RESF1: variants seen among roughly 807,000 people sequenced by gnomAD.
RESF1 encodes gonad expressed transcript.
In RESF1, 65 loss-of-function variants were observed where a neutral mutation model predicts 134.7. The ratio of observed to expected loss-of-function variants is 0.48; its 90% CI spans 0.40 to 0.59. The LOEUF (loss-of-function observed/expected upper bound fraction) is 0.59. Among genes scored for constraint, RESF1 ranks in the 20% least tolerant of loss-of-function variants. The probability of loss-of-function intolerance (pLI) is 0.00; values close to 1 mark genes in which losing one functional copy is unlikely to be tolerated. For synonymous variants in RESF1, 762 were observed against 702.2 expected (o/e 1.09, Z -1.35); for missense variants, 2,274 against 2,002.7 (o/e 1.14, Z -2.59).
intron 5 of RESF1, among the ~76,000 whole-genome samples, chr12:31,991,044 A>T (rs950593812): frequency 3.9e-5 from 6 of 152,084 alleles, no homozygotes; most frequent in East Asian, 1.9e-4. Context: ...ATAACTTTTT[A>T]AAAAATTAGC....
intron 3 of RESF1, among the ~76,000 whole-genome samples, chr12:31,978,802 A>G (rs917397774): frequency 7.1e-6 from 1 of 141,322 alleles, no homozygotes; most frequent in African/African-American, 2.6e-5. Context: ...ACCTCGTGAT[A>G]CCCCTGCCTC....
At position 31,984,874 on chromosome 12, in the gene RESF1, A is replaced by G. The variant is rs372407583; in HGVS notation, c.3919A>G (p.Ser1307Gly). 20 of 1,608,038 alleles carry G rather than the reference A, an allele frequency of 1.2e-5. No homozygotes were observed. Among genetic ancestry groups the G allele is most frequent in the African/African-American group, 6.7e-5 (5 of 74,434 alleles). Reference sequence around the variant, plus strand: ...GTTTCACGAGGTAACCTTTCACTCCAGTAATAAAATGACAGCATCTTATGA... The same window carrying G: ...GTTTCACGAGGTAACCTTTCACTCCGGTAATAAAATGACAGCATCTTATGA... Reference protein sequence around the residue: ...LRFHEVTFHSSNKMTASYEQA... With the variant: ...LRFHEVTFHSGNKMTASYEQA... The change falls in exon 4 of 6, where the codon AGT becomes GGT. Residue 1307 changes from serine (S) to glycine (G), a missense_variant. Ser to Gly is a moderately conservative substitution (Grantham distance 56). Transcript: ENST00000312561.
At chr12:31,987,925 G>A (rs1448772916) in intron 5 of RESF1, among the ~76,000 whole-genome samples, 2 of 152,010 alleles carry the variant, frequency 1.3e-5, no homozygotes, top group Non-Finnish European at 2.9e-5. Flanking sequence ...AGTAGAGGCA[G>A]GGTTTCACCG....
intron 3 of RESF1, among the ~76,000 whole-genome samples, chr12:31,972,665 G>C (rs1052092437): frequency 6.6e-6 from 1 of 150,574 alleles, no homozygotes. Flanking sequence ...AAACTGATGA[G>C]ATCTGACACT....
rs900768588 is a variant in RESF1 at position 31,959,551 on chromosome 12, G to GGCCGGGA, written c.-342+71_-342+77dup. On this transcript the variant is annotated intron_variant, in intron 1 of 5. Coordinates refer to ENST00000312561, the MANE Select transcript of RESF1 (RefSeq NM_018169.4). ...CCTTCCGGGGTCCGGGCGGGGCGGGGGCCGGGAGCCGGGAGCCAGAGGCAC... is the reference window on the plus strand; with the variant it reads ...CCTTCCGGGGTCCGGGCGGGGCGGGGGCCGGGAGCCGGGAGCCGGGAGCCAGAGGCAC... 1.1e-4 allele frequency: 17 copies of GGCCGGGA among 152,482 alleles called. 3 individuals are homozygous for GGCCGGGA. Among genetic ancestry groups the GGCCGGGA allele is most frequent in the East Asian group, 1.9e-4 (1 of 5,172 alleles). 9.4% of individuals were successfully genotyped at this position (152,482 alleles called of 1,614,324 possible).
intron 3 of RESF1, among the ~76,000 whole-genome samples, chr12:31,976,581 G>C (rs757173267): frequency 2.6e-5 from 4 of 152,058 alleles, no homozygotes; most frequent in Non-Finnish European, 4.4e-5. Context: ...TGCTCGGGAG[G>C]CTGAGACAGG....
In RESF1 at chr12:31,983,049, A is replaced by AAC; in HGVS notation, c.2095_2096insCA (p.Asn699ThrfsTer32). 2.5e-6 allele frequency: 4 copies of AAC among 1,614,016 alleles called. No individual in the cohort carries two copies. The highest frequency in any genetic ancestry group is 2.5e-6 in the Non-Finnish European group (3 of 1,180,012). ...AAAAGGAGTGTGATAAACTCAGAAC[A>AAC]AACACAACAGCAGTTGGAATTTCAA... On this transcript the variant is annotated frameshift_variant, in exon 4 of 6. Coordinates refer to ENST00000312561, the MANE Select transcript of RESF1 (RefSeq NM_018169.4). LOFTEE classifies it high-confidence loss of function.
rs368291668 is a variant in RESF1 at position 31,985,845 on chromosome 12, A to G, written c.4890A>G (p.Ser1630=). ...CGGTGAAAGGTAACACAGAAAAATC[A>G]AACATGCTGGAGTTTAAATTATGTC... ...FLPVKGNTEK[S]NMLEFKLCPD... The change falls in exon 4 of 6, where the codon TCA becomes TCG. Residue 1630 remains serine, a synonymous_variant. Transcript: ENST00000312561. 1.3e-6 allele frequency: 2 copies of G among 1,564,708 alleles called. No homozygotes were observed. Among genetic ancestry groups the G allele is most frequent in the African/African-American group, 1.4e-5 (1 of 72,360 alleles).
rs372951059 is a variant in RESF1, at chr12:31,984,275, C to T, written c.3320C>T (p.Thr1107Ile). ...GACCCAGCAGATCAAATACAAATTA[C>T]AATATTAAGCTCAGAGCAAATGAAA... Reference protein sequence around the residue: ...SKDPADQIQITILSSEQMKEI... With the variant: ...SKDPADQIQIIILSSEQMKEI... Residue 1107 changes from threonine to isoleucine, a missense_variant, in exon 4 of 6, where the codon ACA (threonine) becomes ATA (isoleucine). Thr to Ile is a moderately conservative substitution (Grantham distance 89, BLOSUM62 -1). Transcript: ENST00000312561. 4.3e-6 allele frequency: 7 copies of T among 1,613,712 alleles called. No homozygotes were observed. The African/African-American group carries it at 9.3e-5, about 22-fold the overall frequency.
chr12:31,959,789 G>A (rs2120733709), intron 1 of RESF1: 1 of 152,116 alleles, frequency 6.6e-6, no homozygotes, highest in Non-Finnish European at 1.5e-5. Flanking sequence ...GCACCGGAGG[G>A]CGGGCCTCGC....
At position 31,984,514 on chromosome 12, in the gene RESF1, C is replaced by G. The variant is rs773145070; in HGVS notation, c.3559C>G (p.Gln1187Glu). The G allele has an allele frequency of 6.2e-7, 1 of 1,603,988 alleles. No individual in the cohort carries two copies. The highest frequency in any genetic ancestry group is 8.5e-7 in the Non-Finnish European group (1 of 1,173,956). ...CTCCATGGTTTACGAAGGAGTACCC[C>G]AGTGTCAGTGTAATTCCATCAAGAA... ...WLSMVYEGVP[Q>E]CQCNSIKNSS... is the part of the protein sequence containing the mutation. Residue 1187 changes from glutamine (Q) to glutamate (E), a missense_variant, in exon 4 of 6, where the codon CAG becomes GAG. By Grantham distance (29) the Gln-to-Glu change is conservative. Coordinates refer to ENST00000312561, the MANE Select transcript of RESF1 (RefSeq NM_018169.4).
rs760534278 is a variant in RESF1 at position 31,982,542 on chromosome 12, A to G, written c.1587A>G (p.Thr529=). 2 of 1,613,860 alleles carry G rather than the reference A, an allele frequency of 1.2e-6. No homozygotes were observed. The highest frequency in any genetic ancestry group is 2.2e-5 in the East Asian group (1 of 44,884). ...ATGTGAAAGTTCTCACTTCAAAGAC[A>G]TCAGCTGTTGAGATGACCCAGGCAG... ...SHDVKVLTSK[T]SAVEMTQAVL... Residue 529 remains threonine (T), a synonymous_variant, in exon 4 of 6, where the codon ACA becomes ACG. Transcript: ENST00000312561.
rs1159253248 is a variant in RESF1 at position 31,971,668 on chromosome 12, C to T, written c.-79+1312C>T. On this transcript the variant is annotated intron_variant, in intron 3 of 5. Coordinates refer to ENST00000312561, the MANE Select transcript of RESF1 (RefSeq NM_018169.4). The stretch of plus-strand genomic sequence containing the variant: ...TACACTCCTAAAATTCGAGCAGTCT[C>T]CAAAGTGATAAATGTCTTTTTTGTA... 3.3e-5 allele frequency among the ~76,000 whole-genome samples: 5 copies of T among 152,252 alleles called. No homozygotes were observed. The South Asian group carries it at 1.0e-3, about 32-fold the overall frequency.
At chr12:31,988,621 C>G (rs995882393) in intron 5 of RESF1, among the ~76,000 whole-genome samples, 1 of 152,040 alleles carries the variant, frequency 6.6e-6, no homozygotes, top group Non-Finnish European at 1.5e-5. Flanking sequence ...ATAATGAGAC[C>G]GGTCCTAGCT....
rs1327582368 is a variant in RESF1 at position 31,981,722 on chromosome 12, T to C, written c.767T>C (p.Leu256Ser). 5 of 1,613,738 alleles carry C rather than the reference T, an allele frequency of 3.1e-6. No homozygotes were observed. The highest frequency in any genetic ancestry group is 2.7e-5 in the African/African-American group (2 of 75,048). ...NSQLLNSVLT[L>S]PSRQTSAVPS... The stretch of plus-strand genomic sequence containing the variant: ...CAGCTTCTAAATTCTGTATTAACTT[T>C]ACCATCAAGGCAGACCTCAGCTGTA... The change falls in exon 4 of 6, where the codon TTA becomes TCA. Residue 256 changes from leucine (L) to serine (S), a missense_variant. By Grantham distance (145) the Leu-to-Ser change is moderately radical. Transcript: ENST00000312561.
chr12:31,965,752 G>A (rs145114607), intron 2 of RESF1, among the ~76,000 whole-genome samples: 1 of 152,268 alleles, frequency 6.6e-6, no homozygotes, highest in African/African-American at 2.4e-5. Flanking sequence ...TTAGCTGGGC[G>A]TGGTGGCGTG....
At position 31,982,288 on chromosome 12, in the gene RESF1, C is replaced by A; in HGVS notation, c.1333C>A (p.Leu445Ile). ...SEPAQNSKLSLKQTAKIQSGP... is the reference protein window; with the variant it reads ...SEPAQNSKLSIKQTAKIQSGP... ...ACCAGCTCAGAATTCTAAATTGTCTCTAAAACAAACTGCCAAAATCCAGTC... is the reference window on the plus strand; with the variant it reads ...ACCAGCTCAGAATTCTAAATTGTCTATAAAACAAACTGCCAAAATCCAGTC... Residue 445 changes from leucine (L) to isoleucine (I), a missense_variant, in exon 4 of 6, where the codon CTA becomes ATA. Physicochemically the swap from Leu to Ile is conservative, Grantham distance 5. Coordinates refer to ENST00000312561, the MANE Select transcript of RESF1 (RefSeq NM_018169.4). The A allele has an allele frequency of 6.2e-7, 1 of 1,614,088 alleles. No individual in the cohort carries two copies.
At chr12:31,970,686 T>C (rs2120791886) in intron 3 of RESF1, among the ~76,000 whole-genome samples, 1 of 152,358 alleles carries the variant, frequency 6.6e-6, no homozygotes, top group East Asian at 1.9e-4. Context: ...GTATACTGAT[T>C]AATGCATAAC....
chr12:31,987,077 A>G, intron 4 of RESF1, 162 bp from the exon 5 acceptor site: 1 of 543,840 alleles, frequency 1.8e-6, no homozygotes, highest in South Asian at 2.2e-5. Flanking sequence ...AAGCATTTCA[A>G]ATAGAAATCA....
Sources: allele counts gnomAD v4.1 joint callset (sites outside exome capture counted in the v4.1 genomes callset), GRCh38; gene constraint gnomAD v4.1.1; transcripts MANE v1.5; gene names NCBI Gene and HGNC (gene_info 2026-07-23, HGNC 2026-07-21).